TBC1D2B: variants seen among roughly 807,000 people sequenced by gnomAD.
TBC1D2B encodes TBC1 domain family member 2B.
In TBC1D2B, 64 loss-of-function variants were observed where a neutral mutation model predicts 100.8. That is an observed-to-expected ratio of 0.64 (90% CI 0.52 to 0.78). TBC1D2B has a LOEUF of 0.78. Among genes scored for constraint, TBC1D2B ranks in the 30% least tolerant of loss-of-function variants. The probability of loss-of-function intolerance (pLI) is 0.00; values close to 1 mark genes in which losing one functional copy is unlikely to be tolerated. For missense variants in TBC1D2B, 1,052 were observed against 1,218.4 expected (o/e 0.86, Z 2.03); for synonymous variants, 480 against 479.7 (o/e 1.00, Z -0.01).
chr15:78,052,943 G>A (rs778398931), intron 2 of TBC1D2B, among the ~76,000 whole-genome samples: 29 of 152,322 alleles, frequency 1.9e-4, no homozygotes, highest in Non-Finnish European at 3.7e-4. Context: ...TAGTCAGAGC[G>A]CTAAGACAGT....
At chr15:78,059,549 C>T (rs2073499823) in intron 1 of TBC1D2B, among the ~76,000 whole-genome samples, 1 of 152,164 alleles carries the variant, frequency 6.6e-6, no homozygotes, top group South Asian at 2.1e-4. Flanking sequence ...GGGGCCAAGA[C>T]ATGAGGCACC....
intron 1 of TBC1D2B, among the ~76,000 whole-genome samples, chr15:78,075,615 T>C (rs1490448105): frequency 2.6e-5 from 4 of 152,204 alleles, no homozygotes; most frequent in African/African-American, 9.7e-5. Context: ...GTATGTACAC[T>C]GAGGAAGAGC....
chr15:78,054,349 G>T (rs1421422437), intron 1 of TBC1D2B, among the ~76,000 whole-genome samples, 162 bp from the exon 2 acceptor site: 4 of 152,358 alleles, frequency 2.6e-5, no homozygotes, highest in South Asian at 2.1e-4. Context: ...TGCTCATGAT[G>T]AGTTGGTCAA....
At chr15:78,045,151 T>G in intron 2 of TBC1D2B, 83 bp from the exon 3 acceptor site, 1 of 1,259,634 alleles carries the variant, frequency 7.9e-7, no homozygotes, top group South Asian at 1.5e-5. Context: ...TGACTTGACA[T>G]ACTATATAAA....
intron 6 of TBC1D2B, among the ~76,000 whole-genome samples, chr15:78,023,758 C>A: frequency 6.6e-6 from 1 of 152,192 alleles, no homozygotes; most frequent in South Asian, 2.1e-4. Flanking sequence ...GCAATGCTCC[C>A]AAACCAGGCA....
At chr15:78,054,009 C>T in intron 2 of TBC1D2B, 25 bp downstream of exon 2, 1 of 1,601,832 alleles carries the variant, frequency 6.2e-7, no homozygotes, top group South Asian at 1.1e-5. Context: ...AGAACTGACC[C>T]AGCTCCCCTT....
At chr15:77,998,602 A>G (rs72732537) in intron 12 of TBC1D2B, 52,481 of 462,624 alleles carry the variant, frequency 0.11, 3,806 homozygotes, top group Non-Finnish European at 0.14. Context: ...GTGTGACTGA[A>G]GTCACCCCCC....
chr15:78,041,602 T>TTTTGAGCC (rs2073095929), intron 3 of TBC1D2B, among the ~76,000 whole-genome samples: 1 of 152,264 alleles, frequency 6.6e-6, no homozygotes, highest in Non-Finnish European at 1.5e-5. Flanking sequence ...GCCATTCATT[T>TTTTGAGCC]ATAATACAGT....
chr15:78,052,550 A>G (rs750543668), intron 2 of TBC1D2B, among the ~76,000 whole-genome samples: 5 of 152,230 alleles, frequency 3.3e-5, no homozygotes, highest in African/African-American at 7.2e-5. Context: ...TGGCTCTCCA[A>G]TCACAGCATT....
rs866307669 is a variant in TBC1D2B at position 78,026,370 on chromosome 15, G to T, written c.848-873C>A. Among the ~76,000 whole-genome samples, 49 of 152,124 alleles carry T rather than the reference G, an allele frequency of 3.2e-4. 2 individuals carry two copies. The East Asian group carries it at 8.5e-3, about 26-fold the overall frequency. ...CAGGTTTGCAATAAAAACAAGTTTG[G>T]TCCCCTGGCTCTCCCTCACCCTTGC... On this transcript the variant is annotated intron_variant, in intron 4 of 12. Transcript: ENST00000300584.
intron 3 of TBC1D2B, among the ~76,000 whole-genome samples, chr15:78,032,011 T>G (rs1390769240): frequency 6.6e-6 from 1 of 152,156 alleles, no homozygotes; most frequent in Non-Finnish European, 1.5e-5. Context: ...TCAAGGCAGT[T>G]GCAGCTCATA....
At chr15:78,016,165 T>G (rs907645197) in intron 8 of TBC1D2B, among the ~76,000 whole-genome samples, 10 of 151,134 alleles carry the variant, frequency 6.6e-5, no homozygotes, top group East Asian at 3.9e-4. Flanking sequence ...ATATGGGGGG[T>G]GTGTGTGTGT....
At chr15:78,005,359 A>G (rs1026475639) in intron 10 of TBC1D2B, among the ~76,000 whole-genome samples, 2 of 152,200 alleles carry the variant, frequency 1.3e-5, no homozygotes. Flanking sequence ...GGAAAAGCTG[A>G]CAAGCATGTG....
At chr15:78,064,954 T>C (rs1182375737) in intron 1 of TBC1D2B, among the ~76,000 whole-genome samples, 1 of 152,222 alleles carries the variant, frequency 6.6e-6, no homozygotes, top group Admixed American at 6.5e-5. Flanking sequence ...AAATTAGCAT[T>C]CATATGTCTT....
At chr15:78,023,541 G>C (rs1452135928) in intron 6 of TBC1D2B, among the ~76,000 whole-genome samples, 4 of 152,202 alleles carry the variant, frequency 2.6e-5, no homozygotes. Context: ...GGCATGACTA[G>C]GAGGGTCACT....
At chr15:78,075,595 G>C (rs1230673462) in intron 1 of TBC1D2B, among the ~76,000 whole-genome samples, 1 of 152,176 alleles carries the variant, frequency 6.6e-6, no homozygotes, top group Non-Finnish European at 1.5e-5. Context: ...GTCCGACACA[G>C]GGACAGCCCG....
chr15:77,999,431 A>C, intron 12 of TBC1D2B: 1 of 353,454 alleles, frequency 2.8e-6, no homozygotes, highest in South Asian at 2.0e-5. Context: ...TAAGGTCAGA[A>C]AGGCCAGCTT....
chr15:78,044,792 G>C, intron 3 of TBC1D2B, 108 bp downstream of exon 3: 1 of 1,019,544 alleles, frequency 9.8e-7, no homozygotes, highest in East Asian at 2.6e-5. Flanking sequence ...AAACAACAAA[G>C]GCCTTTGTAA....
intron 8 of TBC1D2B, among the ~76,000 whole-genome samples, chr15:78,013,784 CCA>C (rs1220153818): frequency 6.6e-6 from 1 of 151,878 alleles, no homozygotes; most frequent in African/African-American, 2.4e-5. Context: ...TGTTCACGTC[CCA>C]GTTATTGGAA....
Sources: gnomAD v4.1 joint callset for allele counts (sites outside exome capture counted in the v4.1 genomes callset) on GRCh38, gnomAD v4.1.1 for gene constraint, MANE v1.5 for transcripts, NCBI Gene and HGNC (gene_info 2026-07-23, HGNC 2026-07-21) for gene names.